TNFSF12: variants seen among roughly 807,000 people sequenced by gnomAD.
TNFSF12 encodes the protein tumor necrosis factor ligand superfamily member 12.
A neutral mutation model predicts 31.2 loss-of-function variants in TNFSF12; 16 were observed. The observed-to-expected ratio is 0.51, with a 90% CI of 0.35 to 0.78. The LOEUF is 0.78. TNFSF12 is among the 30% of genes least tolerant of loss of function. The pLI is 0.01. For missense variants in TNFSF12, 324 were observed against 338.8 expected (o/e 0.96, Z 0.34); for synonymous variants, 150 against 151.4 (o/e 0.99, Z 0.07).
At chr17:7,556,249 G>A (rs1301043075) in intron 5 of TNFSF12, among the ~76,000 whole-genome samples, 2 of 152,112 alleles carry the variant, frequency 1.3e-5, no homozygotes, top group Admixed American at 6.5e-5. Context: ...TCAAAATGCC[G>A]GGATGACAGG....
At position 7,557,192 on chromosome 17, in the gene TNFSF12, A is replaced by G; in HGVS notation, c.592A>G (p.Thr198Ala). 1 of 1,612,494 alleles carries G rather than the reference A, an allele frequency of 6.2e-7. No individual in the cohort carries two copies. Among genetic ancestry groups the G allele is most frequent in the Non-Finnish European group, 8.5e-7 (1 of 1,178,914 alleles). The change falls in exon 7 of 7, where the codon ACT (threonine) becomes GCT (alanine). Residue 198 changes from threonine to alanine, a missense_variant. By Grantham distance (58) the Thr-to-Ala change is moderately conservative. Transcript: ENST00000293825. The surrounding 1 kb of genome is among the most constrained non-coding windows in gnomAD (Gnocchi z 5.2). ...ALRCLEEFSA[T>A]AASSLGPQLR... Reference sequence around the variant, plus strand: ...GCGCTGCCTGGAGGAATTCTCAGCCACTGCGGCGAGTTCCCTCGGGCCCCA... The same window carrying G: ...GCGCTGCCTGGAGGAATTCTCAGCCGCTGCGGCGAGTTCCCTCGGGCCCCA...
intron 5 of TNFSF12, among the ~76,000 whole-genome samples, chr17:7,551,218 T>G (rs1386788198): frequency 1.3e-5 from 2 of 152,192 alleles, no homozygotes; most frequent in Non-Finnish European, 2.9e-5. Context: ...GCCCTCATTC[T>G]TCTCCAAGAA....
In TNFSF12 at chr17:7,549,965, C is replaced by T. The variant is rs1310365719; in HGVS notation, c.208-155C>T. The stretch of plus-strand genomic sequence containing the variant: ...GACTGGGGCCTGACTCCCAGCTTCA[C>T]CTTTGCCCGGGGCCCCAGCTGTAGT... On this transcript the variant is annotated intron_variant, in intron 2 of 6. Transcript: ENST00000293825. The surrounding 1 kb of genome is among the most constrained non-coding windows in gnomAD (Gnocchi z 4.1). The T allele has an allele frequency of 1.3e-5, 15 of 1,111,356 alleles. No individual in the cohort carries two copies. Among genetic ancestry groups the T allele is most frequent in the Non-Finnish European group, 1.6e-5 (12 of 761,198 alleles). The allele number at this position is 1,111,356 out of a possible 1,614,324, so 68.8% of individuals were successfully genotyped here. A position where few individuals can be genotyped will look rare whatever the true frequency, so the allele number is the denominator to read the frequency against.
chr17:7,550,101 C>G lies in TNFSF12; in HGVS notation c.208-19C>G, dbSNP rs765748512. On this transcript the variant is annotated intron_variant, in intron 2 of 6. Transcript: ENST00000293825. This position sits in a 1 kb window ranked among gnomAD's most constrained non-coding sequence, Gnocchi z 4.4. ...TATCTCTGGGAGTCTGTGGTTGAAC[C>G]CTGCCCTAATTCCCCTAGGAACTGA... The G allele has an allele frequency of 2.5e-6, 4 of 1,613,882 alleles. No individual in the cohort carries two copies. Among genetic ancestry groups the G allele is most frequent in the Admixed American group, 1.7e-5 (1 of 59,974 alleles).
In TNFSF12 at chr17:7,549,430, G is replaced by A. The variant is rs1169153851; in HGVS notation, c.160-44G>A. ...AGGGAGGATGGGTGGAGGGTGAGAT[G>A]TCAGGTGGAGCGGCACAGGGTGACG... On this transcript the variant is annotated intron_variant, in intron 1 of 6. Coordinates refer to ENST00000293825, the MANE Select transcript of TNFSF12 (RefSeq NM_003809.3). The surrounding 1 kb of genome is among the most constrained non-coding windows in gnomAD (Gnocchi z 4.1). 1.4e-6 allele frequency: 2 copies of A among 1,460,786 alleles called. No individual in the cohort carries two copies. The highest frequency in any genetic ancestry group is 1.4e-5 in the African/African-American group (1 of 70,636). 90.5% of individuals were successfully genotyped at this position (1,460,786 alleles called of 1,614,324 possible).
chr17:7,556,764 G>T lies in TNFSF12; in HGVS notation c.374-14G>T, dbSNP rs753991957. The stretch of plus-strand genomic sequence containing the variant: ...TAGAGAGACGTTTCCTTATCTCTGA[G>T]CATCCGTGTTCAGGTGTGGACGGGA... On this transcript the variant is annotated splice_polypyrimidine_tract_variant and intron_variant, in intron 5 of 6. Transcript: ENST00000293825. The T allele has an allele frequency of 1.3e-6, 2 of 1,495,240 alleles. No individual in the cohort carries two copies. The highest frequency in any genetic ancestry group is 4.7e-5 in the East Asian group (2 of 42,446). The allele number at this position is 1,495,240 out of a possible 1,614,324, so 92.6% of individuals were successfully genotyped here. A position where few individuals can be genotyped will look rare whatever the true frequency, so the allele number is the denominator to read the frequency against.
At chr17:7,555,326 A>G (rs764197234) in intron 5 of TNFSF12, among the ~76,000 whole-genome samples, 1 of 151,826 alleles carries the variant, frequency 6.6e-6, no homozygotes, top group Non-Finnish European at 1.5e-5. Flanking sequence ...AGGGGTCAAG[A>G]ATGGTGGGTG....
In TNFSF12 at chr17:7,556,849, C is replaced by T; in HGVS notation, c.445C>T (p.Gln149Ter). 1 of 1,559,246 alleles carries T rather than the reference C, an allele frequency of 6.4e-7. No individual in the cohort carries two copies. Among genetic ancestry groups the T allele is most frequent in the South Asian group, 1.2e-5 (1 of 83,878 alleles). Residue 149 changes from glutamine (Q) to a stop codon, truncating the protein, a stop_gained, in exon 6 of 7, where the codon CAG becomes TAG. Coordinates refer to ENST00000293825, the MANE Select transcript of TNFSF12 (RefSeq NM_003809.3). LOFTEE classifies it high-confidence loss of function. ...CTCCAGCCCTCTGCGCTACAACCGC[C>T]AGATCGGGGAGTTTATAGTCACCCG... Reference protein sequence around the residue: ...NSSSPLRYNRQIGEFIVTRAG... With the variant: ...NSSSPLRYNR
At position 7,557,429 on chromosome 17, in the gene TNFSF12, C is replaced by A. The variant is rs1373227885; in HGVS notation, c.*79C>A. ...CTCTGGGCACCCGGTCCCCTCTGCC[C>A]CACCCTCAGCCGCTCTTTGCTCCAG... On this transcript the variant is annotated 3_prime_UTR_variant, in exon 7 of 7. Coordinates refer to ENST00000293825, the MANE Select transcript of TNFSF12 (RefSeq NM_003809.3). The surrounding 1 kb of genome is among the most constrained non-coding windows in gnomAD (Gnocchi z 5.2). The A allele has an allele frequency of 2.0e-6, 3 of 1,497,874 alleles. No homozygotes were observed. The highest frequency in any genetic ancestry group is 2.0e-4 in the Middle Eastern group (1 of 5,000). 92.8% of individuals were successfully genotyped at this position (1,497,874 alleles called of 1,614,324 possible).
chr17:7,557,485 C>A lies in TNFSF12; in HGVS notation c.*135C>A. 1.6e-6 allele frequency: 2 copies of A among 1,230,660 alleles called. No homozygotes were observed. Among genetic ancestry groups the A allele is most frequent in the South Asian group, 1.6e-5 (1 of 64,082 alleles). 76.2% of individuals were successfully genotyped at this position (1,230,660 alleles called of 1,614,324 possible). Reference sequence around the variant, plus strand: ...CCCCTCCCTCTAGAGGCTGCCTGGGCCTGTTCACGTGTTTTCCATCCCACA... The same window carrying A: ...CCCCTCCCTCTAGAGGCTGCCTGGGACTGTTCACGTGTTTTCCATCCCACA... On this transcript the variant is annotated 3_prime_UTR_variant, in exon 7 of 7. Transcript: ENST00000293825. The surrounding 1 kb of genome is among the most constrained non-coding windows in gnomAD (Gnocchi z 5.2).
intron 5 of TNFSF12, among the ~76,000 whole-genome samples, chr17:7,552,730 G>C (rs2071014399): frequency 6.6e-6 from 1 of 152,146 alleles, no homozygotes; most frequent in African/African-American, 2.4e-5. Flanking sequence ...AAGTGGAGCT[G>C]AGGGGAAAAC....
intron 5 of TNFSF12, among the ~76,000 whole-genome samples, chr17:7,555,178 G>T: frequency 6.6e-6 from 1 of 151,976 alleles, no homozygotes; most frequent in Admixed American, 6.6e-5. Flanking sequence ...AGTGGAATAT[G>T]ACAAGAACAA....
Position 7,550,737 on chromosome 17 carries a change from A to G in TNFSF12, c.284-62A>G. On this transcript the variant is annotated intron_variant, in intron 3 of 6. Transcript: ENST00000293825. The surrounding 1 kb of genome is among the most constrained non-coding windows in gnomAD (Gnocchi z 4.4). ...TTCCTGAGAGGGGAATGGGGCTGGG[A>G]GAGTTGCTCTGGGACCCCCACTAGG... 6.3e-7 allele frequency: 1 copy of G among 1,579,810 alleles called. No individual in the cohort carries two copies. The highest frequency in any genetic ancestry group is 1.1e-5 in the South Asian group (1 of 88,156).
intron 5 of TNFSF12, among the ~76,000 whole-genome samples, chr17:7,555,181 A>G (rs909246320): frequency 3.3e-5 from 5 of 152,042 alleles, no homozygotes; most frequent in African/African-American, 1.2e-4. Context: ...GGAATATGAC[A>G]AGAACAATAA....
In TNFSF12 at chr17:7,557,704, A is replaced by G. The variant is rs1204497490; in HGVS notation, c.*354A>G. Reference sequence around the variant, plus strand: ...AGAAGACCCCACTTCAGGCACTAAGAGGGGCTGGACCTGGCGGCAGGAAGC... The same window carrying G: ...AGAAGACCCCACTTCAGGCACTAAGGGGGGCTGGACCTGGCGGCAGGAAGC... On this transcript the variant is annotated 3_prime_UTR_variant, in exon 7 of 7. Coordinates refer to ENST00000293825, the MANE Select transcript of TNFSF12 (RefSeq NM_003809.3). This position sits in a 1 kb window ranked among gnomAD's most constrained non-coding sequence, Gnocchi z 5.2. 4 of 215,030 alleles carry G rather than the reference A, an allele frequency of 1.9e-5. No homozygotes were observed. Among genetic ancestry groups the G allele is most frequent in the Non-Finnish European group, 3.7e-5 (4 of 108,162 alleles). 13.3% of individuals were successfully genotyped at this position (215,030 alleles called of 1,614,324 possible). A position where few individuals can be genotyped will look rare whatever the true frequency, so the allele number is the denominator to read the frequency against.
intron 5 of TNFSF12, chr17:7,553,925 A>C: frequency 1.0e-6 from 1 of 1,004,036 alleles, no homozygotes; most frequent in South Asian, 3.7e-5. Context: ...AGATTTGAGG[A>C]GAAATGGTAC....
chr17:7,552,311 A>G (rs2071009011), intron 5 of TNFSF12, among the ~76,000 whole-genome samples: 2 of 150,734 alleles, frequency 1.3e-5, no homozygotes, highest in East Asian at 2.0e-4. Context: ...GCCAGGAGTC[A>G]TGGCCATATG....
chr17:7,555,516 C>A (rs1004474262), intron 5 of TNFSF12, among the ~76,000 whole-genome samples: 2 of 152,076 alleles, frequency 1.3e-5, no homozygotes, highest in African/African-American at 4.8e-5. Context: ...GGTGAGCCAT[C>A]GGAAGGAGGA....
At chr17:7,553,663 C>T in intron 5 of TNFSF12, 1 of 1,304,032 alleles carries the variant, frequency 7.7e-7, no homozygotes, top group Non-Finnish European at 1.0e-6. Flanking sequence ...CTAGAATGTG[C>T]CTGTGTACTG....
Sources: allele counts gnomAD v4.1 joint callset (sites outside exome capture counted in the v4.1 genomes callset), GRCh38; gene constraint gnomAD v4.1.1; non-coding constraint Gnocchi (gnomAD v3.1); transcripts MANE v1.5; gene names NCBI Gene and HGNC (gene_info 2026-07-23, HGNC 2026-07-21).